REV3L: variants seen among roughly 807,000 people sequenced by gnomAD.
REV3L encodes REV3 like, DNA directed polymerase zeta catalytic subunit, also known as DNA polymerase zeta catalytic subunit.
In REV3L, 69 loss-of-function variants were observed where a neutral mutation model predicts 299.4. The ratio of observed to expected loss-of-function variants is 0.23; its 90% CI spans 0.19 to 0.28. REV3L has a LOEUF of 0.28. Among genes scored for constraint, REV3L ranks in the 10% least tolerant of loss-of-function variants. The pLI is 1.00. For synonymous variants in REV3L, 1,238 were observed against 1,271.4 expected (o/e 0.97, Z 0.56); for missense variants, 3,128 against 3,693.8 (o/e 0.85, Z 3.97).
At chr6:111,400,138 C>T (rs1189927225) in intron 4 of REV3L, among the ~76,000 whole-genome samples, 2 of 152,028 alleles carry the variant, frequency 1.3e-5, no homozygotes, top group African/African-American at 4.8e-5. Flanking sequence ...TTATCCATTC[C>T]CCTGTTGAGT....
intron 26 of REV3L, among the ~76,000 whole-genome samples, chr6:111,316,323 G>T (rs1306997708): frequency 1.3e-5 from 2 of 151,896 alleles, no homozygotes; most frequent in Non-Finnish European, 1.5e-5. Context: ...AGATGTACTT[G>T]TGATATGGGA....
At position 111,329,342 on chromosome 6, in the gene REV3L, CT is replaced by C. The variant is rs753012263; in HGVS notation, c.8241+189del. 9.7e-3 allele frequency among the ~76,000 whole-genome samples: 1,345 copies of C among 139,250 alleles called. 16 individuals carry two copies. Among genetic ancestry groups the C allele is most frequent in the African/African-American group, 0.028 (1,085 of 38,192 alleles). The allele number at this position is 139,250 out of a possible 152,430, so 91.4% of individuals were successfully genotyped here. A position where few individuals can be genotyped will look rare whatever the true frequency, so the allele number is the denominator to read the frequency against. On this transcript the variant is annotated intron_variant, in intron 25 of 31. Coordinates refer to ENST00000368802, the MANE Select transcript of REV3L (RefSeq NM_001372078.1). Reference sequence around the variant, plus strand: ...ACAGGCGTGAGCCACCATGCCTGGCCTTTTTTTTTTTTTTTTCTTTTAAAAA... The same window carrying C: ...ACAGGCGTGAGCCACCATGCCTGGCCTTTTTTTTTTTTTTTCTTTTAAAAA...
At chr6:111,471,953 T>C in intron 1 of REV3L, 2 of 1,026,686 alleles carry the variant, frequency 1.9e-6, no homozygotes, top group South Asian at 2.0e-5. Context: ...CCAACTTCAA[T>C]GCCAAGGCTC....
chr6:111,353,764 C>T (rs1243050271), intron 18 of REV3L: 2 of 152,202 alleles, frequency 1.3e-5, no homozygotes, highest in Non-Finnish European at 2.9e-5. Flanking sequence ...TATCCCAATA[C>T]TCTTTCTGTT....
At chr6:111,433,950 A>G (rs541349636) in intron 1 of REV3L, among the ~76,000 whole-genome samples, 78 of 152,332 alleles carry the variant, frequency 5.1e-4, no homozygotes, top group Non-Finnish European at 9.1e-4. Flanking sequence ...TGAACAAAAA[A>G]GCCTATTATT....
In REV3L at chr6:111,331,709, G is replaced by C. The variant is rs201252615; in HGVS notation, c.8001C>G (p.Ile2667Met). The C allele has an allele frequency of 2.0e-5, 32 of 1,613,132 alleles. No individual in the cohort carries two copies. In the East Asian group the frequency reaches 7.2e-4, roughly 36 times the overall value. Residue 2667 changes from isoleucine (I) to methionine (M), a missense_variant, in exon 24 of 32, where the codon ATC (isoleucine) becomes ATG (methionine). Ile to Met is a conservative substitution (Grantham distance 10). Coordinates refer to ENST00000368802, the MANE Select transcript of REV3L (RefSeq NM_001372078.1). Reference protein sequence around the residue: ...PDLLYQVRHDITVSPNGVAFV... With the variant: ...PDLLYQVRHDMTVSPNGVAFV... The stretch of plus-strand genomic sequence containing the variant: ...AAGCTACTCCATTGGGGGACACTGT[G>C]ATATCATGCCTAACTTGGTAAAGTA...
At position 111,300,096 on chromosome 6, in the gene REV3L, G is replaced by C. The variant is rs367810387; in HGVS notation, c.9313C>G (p.Pro3105Ala). ...RHIPCVSLNC[P>A]VLFKLSRVNR... The stretch of plus-strand genomic sequence containing the variant: ...ACTCGGGAGAGTTTGAAAAGTACTG[G>C]GCAGTTCAGAGAAACACATGGGATG... Residue 3105 changes from proline (P) to alanine (A), a missense_variant, in exon 32 of 32, where the codon CCA (proline) becomes GCA (alanine). Around this residue, in one of 9 missense-constraint regions of REV3L, gnomAD observed 294 missense variants for 377.0 expected, o/e 0.78. Transcript: ENST00000368802. 1.1e-4 allele frequency: 183 copies of C among 1,613,402 alleles called. No homozygotes were observed. The highest frequency in any genetic ancestry group is 1.5e-4 in the Non-Finnish European group (179 of 1,179,710).
chr6:111,303,165 C>CTTTCTTTT (rs4038141), intron 31 of REV3L, among the ~76,000 whole-genome samples: 39,233 of 91,730 alleles, frequency 0.43, 12,081 homozygotes, highest in Non-Finnish European at 0.58. Context: ...TCTTTTCTTT[C>CTTTCTTTT]TTTTTTTTTT....
intron 18 of REV3L, among the ~76,000 whole-genome samples, chr6:111,354,532 T>C (rs1320619839): frequency 6.6e-6 from 1 of 152,170 alleles, no homozygotes; most frequent in Non-Finnish European, 1.5e-5. Context: ...ACATATATAT[T>C]TATTTTTTGA....
At chr6:111,430,351 C>G (rs1582962968) in intron 1 of REV3L, 1 of 1,195,090 alleles carries the variant, frequency 8.4e-7, no homozygotes, top group Non-Finnish European at 1.2e-6. Flanking sequence ...CATTAAACAC[C>G]CAATGGATTT....
chr6:111,462,052 T>C (rs1790833704), intron 1 of REV3L, among the ~76,000 whole-genome samples: 1 of 152,098 alleles, frequency 6.6e-6, no homozygotes, highest in South Asian at 2.1e-4. Context: ...AGTGTAAAGA[T>C]ACAGATAGGT....
chr6:111,440,692 T>C (rs1338604980), intron 1 of REV3L, among the ~76,000 whole-genome samples: 2 of 152,246 alleles, frequency 1.3e-5, no homozygotes, highest in African/African-American at 4.8e-5. Context: ...ACTCTTCCTT[T>C]CTTTATGTAG....
intron 1 of REV3L, among the ~76,000 whole-genome samples, chr6:111,473,254 T>A (rs912156191): frequency 1.3e-5 from 2 of 149,054 alleles, no homozygotes; most frequent in African/African-American, 5.0e-5. Flanking sequence ...AGAGACGGGG[T>A]CTTGCCATGT....
intron 20 of REV3L, among the ~76,000 whole-genome samples, chr6:111,345,990 C>A (rs1006947896): frequency 6.6e-6 from 1 of 152,102 alleles, no homozygotes; most frequent in Non-Finnish European, 1.5e-5. Flanking sequence ...ACCCCAAAAG[C>A]CTCTCCACAA....
Position 111,311,233 on chromosome 6 carries a change from T to C in REV3L, c.8631A>G (p.Leu2877=), listed in dbSNP as rs1171041097. 1.9e-5 allele frequency: 30 copies of C among 1,610,150 alleles called. No individual in the cohort carries two copies. The highest frequency in any genetic ancestry group is 2.4e-5 in the Non-Finnish European group (28 of 1,178,554). Residue 2877 remains leucine, a synonymous_variant, in exon 29 of 32, where the codon CTA becomes CTG. Coordinates refer to ENST00000368802, the MANE Select transcript of REV3L (RefSeq NM_001372078.1). The part of the protein sequence containing the change: ...SKILERSLKL[L]FETRDISLIK... ...TTAGACTTATATCTCTCGTTTCAAA[T>C]AGCAGCTTTAGAGAACGCTCAAGTA...
In REV3L at chr6:111,373,657, C is replaced by G; in HGVS notation, c.4698G>C (p.Glu1566Asp). ...QPNKNISGSL[E>D]HNKANKRTRS... ...GTGTCCGTTTATTTGCTTTGTTATG[C>G]TCAAGGGAACCAGAAATATTTTTAT... The change falls in exon 13 of 32, where the codon GAG becomes GAC. Residue 1566 changes from glutamate to aspartate, a missense_variant. Physicochemically the swap from Glu to Asp is conservative, Grantham distance 45. This residue lies in a region of REV3L where 2,409 missense variants were observed against 2,611.8 expected (regional missense o/e 0.92). Transcript: ENST00000368802. 3.1e-6 allele frequency: 5 copies of G among 1,614,032 alleles called. No individual in the cohort carries two copies. The highest frequency in any genetic ancestry group is 3.4e-6 in the Non-Finnish European group (4 of 1,179,980).
intron 30 of REV3L, chr6:111,309,619 C>T: frequency 2.7e-6 from 1 of 375,384 alleles, no homozygotes; most frequent in Non-Finnish European, 4.7e-6. Context: ...AACATTTGGG[C>T]ATGAAAGCAG....
intron 1 of REV3L, among the ~76,000 whole-genome samples, chr6:111,459,717 A>G (rs1363213660): frequency 2.6e-5 from 4 of 152,124 alleles, no homozygotes; most frequent in Non-Finnish European, 4.4e-5. Flanking sequence ...CACAATTGAA[A>G]TACCATCTCA....
At chr6:111,393,104 C>G in intron 4 of REV3L, 132 bp from the exon 5 acceptor site, 2 of 562,700 alleles carry the variant, frequency 3.6e-6, no homozygotes, top group Non-Finnish European at 3.2e-6. Context: ...GTGGCGCAAT[C>G]TCGGCTCACT....
Sources: gnomAD v4.1 joint callset for allele counts (sites outside exome capture counted in the v4.1 genomes callset) on GRCh38, gnomAD v4.1.1 for gene constraint, gnomAD v4.1.1 regional missense constraint, MANE v1.5 for transcripts, NCBI Gene and HGNC (gene_info 2026-07-23, HGNC 2026-07-21) for gene names.